DAB2IP: variants seen among roughly 807,000 people sequenced by gnomAD.
DAB2IP encodes DAB2 interacting protein.
In DAB2IP, 28 loss-of-function variants were observed where a neutral mutation model predicts 107.2. That is an observed-to-expected ratio of 0.26 (90% CI 0.19 to 0.36). The LOEUF (loss-of-function observed/expected upper bound fraction) is 0.36, where lower values mean the gene tolerates loss of function less well. Among genes scored for constraint, DAB2IP ranks in the 10% least tolerant of loss-of-function variants. The pLI, the probability that DAB2IP is intolerant of heterozygous loss-of-function variation, is 1.00. For synonymous variants in DAB2IP, 755 were observed against 706.4 expected (o/e 1.07, Z -1.09); for missense variants, 1,400 against 1,644.7 (o/e 0.85, Z 2.57).
chr9:121,607,971 G>A (rs1219438921), intron 1 of DAB2IP, among the ~76,000 whole-genome samples: 1 of 152,252 alleles, frequency 6.6e-6, no homozygotes, highest in Non-Finnish European at 1.5e-5. Context: ...AGGGACCTCA[G>A]AGCCTTTCCC....
Position 121,609,095 on chromosome 9 carries a change from T to C in DAB2IP, c.40+41867T>C, listed in dbSNP as rs1377838883. ...TAGCTGGGACTACAGGTGTGTGCCATCACGGCCAGCTATTTTTTTGTGTGT... is the reference window on the plus strand; with the variant it reads ...TAGCTGGGACTACAGGTGTGTGCCACCACGGCCAGCTATTTTTTTGTGTGT... On this transcript the variant is annotated intron_variant, in intron 1 of 16. Transcript: ENST00000259371. Among the ~76,000 whole-genome samples the C allele has an allele frequency of 2.6e-5, 4 of 152,298 alleles. 1 individual carries two copies. In the East Asian group the frequency reaches 5.8e-4, roughly 22 times the overall value.
intron 1 of DAB2IP, among the ~76,000 whole-genome samples, chr9:121,571,784 C>T (rs897341292): frequency 2.6e-5 from 4 of 151,934 alleles, no homozygotes; most frequent in Non-Finnish European, 5.9e-5. Flanking sequence ...GGTGGTCTGG[C>T]GGTGGGAGCC....
At chr9:121,641,877 CTG>C (rs1832302031) in intron 1 of DAB2IP, among the ~76,000 whole-genome samples, 1 of 117,812 alleles carries the variant, frequency 8.5e-6, no homozygotes, top group Non-Finnish European at 1.7e-5. Context: ...TTCTTTCTTT[CTG>C]TCCATTTCTT....
At chr9:121,672,820 T>C (rs1833735744) in intron 1 of DAB2IP, among the ~76,000 whole-genome samples, 2 of 152,250 alleles carry the variant, frequency 1.3e-5, no homozygotes, top group Admixed American at 1.3e-4. Flanking sequence ...TGTGTGATCT[T>C]AGCAGATTCA....
At chr9:121,596,849 T>G (rs1830541619) in intron 1 of DAB2IP, among the ~76,000 whole-genome samples, 2 of 152,220 alleles carry the variant, frequency 1.3e-5, no homozygotes, top group Non-Finnish European at 2.9e-5. Flanking sequence ...TTTCCACTCC[T>G]GCCTGCAGCA....
intron 5 of DAB2IP, among the ~76,000 whole-genome samples, chr9:121,759,565 C>T (rs75358804): frequency 0.033 from 5,095 of 152,294 alleles, 260 homozygotes; most frequent in African/African-American, 0.11. Flanking sequence ...TAGCCTGTGA[C>T]GTGTCAGGCG....
At chr9:121,746,189 G>A (rs1832712081) in intron 3 of DAB2IP, among the ~76,000 whole-genome samples, 1 of 152,110 alleles carries the variant, frequency 6.6e-6, no homozygotes, top group African/African-American at 2.4e-5. Context: ...TGGCAGGAAG[G>A]GCGTGCGGGA....
intron 2 of DAB2IP, among the ~76,000 whole-genome samples, chr9:121,697,502 T>C (rs77615878): frequency 0.036 from 5,475 of 152,250 alleles, 313 homozygotes; most frequent in African/African-American, 0.12. Context: ...TCTGCCTCCA[T>C]GCCATGTGTC....
intron 1 of DAB2IP, among the ~76,000 whole-genome samples, chr9:121,632,188 CGCTTGCGAATTAATTTGCTCATCTAA>C: frequency 6.6e-6 from 1 of 152,332 alleles, no homozygotes; most frequent in South Asian, 2.1e-4. Flanking sequence ...GTGTTTGTTA[CGCTTGCGAATTAATTTGCTCATCTAA>C]GACGCACGGT....
At chr9:121,740,256 T>C (rs576755502) in intron 3 of DAB2IP, among the ~76,000 whole-genome samples, 5 of 152,178 alleles carry the variant, frequency 3.3e-5, no homozygotes, top group African/African-American at 7.2e-5. Context: ...GGAGCGCCGA[T>C]AGGCCCCCCA....
intron 1 of DAB2IP, among the ~76,000 whole-genome samples, chr9:121,631,858 T>C (rs1831899106): frequency 6.7e-6 from 1 of 149,772 alleles, no homozygotes; most frequent in Non-Finnish European, 1.5e-5. Flanking sequence ...CACTCTGCTG[T>C]TGGCCCAGGG....
intron 3 of DAB2IP, among the ~76,000 whole-genome samples, chr9:121,746,881 G>A (rs76407874): frequency 0.051 from 7,768 of 152,272 alleles, 426 homozygotes; most frequent in African/African-American, 0.13. Flanking sequence ...GCAGGGACCA[G>A]TTAGAAACCA....
rs763353448 is a variant in DAB2IP, at chr9:121,634,201, T to C, written c.41-44477T>C. On this transcript the variant is annotated intron_variant, in intron 1 of 16. Transcript: ENST00000259371. The surrounding 1 kb of genome is among the most constrained non-coding windows in gnomAD (Gnocchi z 4.7). The stretch of plus-strand genomic sequence containing the variant: ...GCCAACTCCTAGGAAGGGTCCCCTA[T>C]GCACCCCGGGGTAGGAGCTGAATGG... 2.0e-5 allele frequency among the ~76,000 whole-genome samples: 3 copies of C among 152,170 alleles called. No individual in the cohort carries two copies. The highest frequency in any genetic ancestry group is 1.5e-5 in the Non-Finnish European group (1 of 68,026).
rs1589363590 is a variant in DAB2IP at position 121,567,339 on chromosome 9, G to A, written c.40+111G>A. 3.3e-6 allele frequency: 5 copies of A among 1,513,468 alleles called. No individual in the cohort carries two copies. In the East Asian group the frequency reaches 9.0e-5, roughly 27 times the overall value. The allele number at this position is 1,513,468 out of a possible 1,614,324, so 93.8% of individuals were successfully genotyped here. On this transcript the variant is annotated intron_variant, in intron 1 of 16. Transcript: ENST00000259371. Reference sequence around the variant, plus strand: ...AAGCAGGGAGGCAGTCAGGCATCTGGGCACTGTCTGGTCTTGGGACCCATG... The same window carrying A: ...AAGCAGGGAGGCAGTCAGGCATCTGAGCACTGTCTGGTCTTGGGACCCATG...
intron 1 of DAB2IP, among the ~76,000 whole-genome samples, chr9:121,621,874 C>T (rs909058505): frequency 2.6e-5 from 4 of 151,110 alleles, no homozygotes; most frequent in African/African-American, 7.3e-5. Flanking sequence ...AGGCTGGTCT[C>T]GAACTCCTGA....
chr9:121,586,532 G>T (rs1028597524), intron 1 of DAB2IP, among the ~76,000 whole-genome samples: 1 of 152,142 alleles, frequency 6.6e-6, no homozygotes, highest in East Asian at 1.9e-4. Context: ...GTCTACAGGG[G>T]AGAAACCTGT....
chr9:121,617,344 G>A (rs908155427), intron 1 of DAB2IP, among the ~76,000 whole-genome samples: 5 of 152,050 alleles, frequency 3.3e-5, no homozygotes, highest in Non-Finnish European at 7.4e-5. Context: ...CAAAACAAAA[G>A]GGTGAGGGGA....
intron 1 of DAB2IP, among the ~76,000 whole-genome samples, chr9:121,602,822 A>G (rs1023843523): frequency 1.3e-5 from 2 of 152,102 alleles, no homozygotes; most frequent in East Asian, 1.9e-4. Context: ...TGATCCGCCC[A>G]CCTCGGCCTC....
At chr9:121,755,235 A>ATGTGGTGG (rs1376220685) in intron 3 of DAB2IP, among the ~76,000 whole-genome samples, 2 of 151,606 alleles carry the variant, frequency 1.3e-5, no homozygotes, top group Non-Finnish European at 2.9e-5. Flanking sequence ...TGGCGGTGTG[A>ATGTGGTGG]TGTGGTGGTG....
Sources: allele counts gnomAD v4.1 joint callset (sites outside exome capture counted in the v4.1 genomes callset), GRCh38; gene constraint gnomAD v4.1.1; non-coding constraint Gnocchi (gnomAD v3.1); transcripts MANE v1.5; gene names NCBI Gene and HGNC (gene_info 2026-07-23, HGNC 2026-07-21).